GSE1: variants seen among roughly 807,000 people sequenced by gnomAD.
GSE1 encodes the protein Gse1 coiled-coil protein, also known as genetic suppressor element 1.
A neutral mutation model predicts 112.6 loss-of-function variants in GSE1; 32 were observed. The ratio of observed to expected loss-of-function variants is 0.28; its 90% CI spans 0.21 to 0.38. GSE1 has a LOEUF of 0.38. Among genes scored for constraint, GSE1 ranks in the 10% least tolerant of loss-of-function variants. The pLI, the probability that GSE1 is intolerant of heterozygous loss-of-function variation, is 1.00. For missense variants in GSE1, 2,348 were observed against 1,699.2 expected (o/e 1.38, Z -6.71); for synonymous variants, 1,115 against 735.6 (o/e 1.52, Z -8.35).
chr16:85,267,220 C>G (rs1463276646), intron 1 of GSE1, among the ~76,000 whole-genome samples: 1 of 152,232 alleles, frequency 6.6e-6, no homozygotes, highest in Non-Finnish European at 1.5e-5. Context: ...CGAGCCACAT[C>G]CTCGGCCCCC....
At chr16:85,428,554 C>T (rs897224944) in intron 2 of GSE1, among the ~76,000 whole-genome samples, 1 of 152,242 alleles carries the variant, frequency 6.6e-6, no homozygotes, top group African/African-American at 2.4e-5. Context: ...GTTTATTCCC[C>T]TGCCTCACTA....
Position 85,468,723 on chromosome 16 carries a change from A to G in GSE1, c.2464+111080A>G, listed in dbSNP as rs1340997067. Among the ~76,000 whole-genome samples, 3 of 152,212 alleles carry G rather than the reference A, an allele frequency of 2.0e-5. No individual in the cohort carries two copies. The East Asian group carries it at 5.8e-4, about 29-fold the overall frequency. On this transcript the variant is annotated intron_variant, in intron 2 of 2. Coordinates refer to the GSE1 transcript ENST00000637419. ...CTCCCCTCCCTGCCTGGAGCCACGC[A>G]GAACAGATGTTGGCAAGAGTGGCTG...
chr16:85,218,510 C>T (rs560830001), intron 1 of GSE1, among the ~76,000 whole-genome samples: 1 of 152,218 alleles, frequency 6.6e-6, no homozygotes, highest in African/African-American at 2.4e-5. Context: ...ACGTGCCGCT[C>T]GTAGTGGTAA....
At chr16:85,288,715 G>A (rs1358279811) in intron 1 of GSE1, among the ~76,000 whole-genome samples, 1 of 152,196 alleles carries the variant, frequency 6.6e-6, no homozygotes, top group Non-Finnish European at 1.5e-5. Context: ...GTCCAGGCAG[G>A]CTTCCTGGGA....
In GSE1 at chr16:85,654,321, T is replaced by C; in HGVS notation, c.470T>C (p.Ile157Thr). Residue 157 changes from isoleucine (I) to threonine (T), a missense_variant, in exon 4 of 16, where the codon ATT becomes ACT. Physicochemically the swap from Ile to Thr is moderately conservative, Grantham distance 89. Transcript: ENST00000253458. ...AGCAGTGGAGGTCGGGAACGCCTCATTGTGGAGCCCCCGCTCCCTCAGGAG... is the reference window on the plus strand; with the variant it reads ...AGCAGTGGAGGTCGGGAACGCCTCACTGTGGAGCCCCCGCTCCCTCAGGAG... ...RSSSGGRERL[I>T]VEPPLPQEKA... 5 of 1,610,898 alleles carry C rather than the reference T, an allele frequency of 3.1e-6. No homozygotes were observed. The highest frequency in any genetic ancestry group is 4.2e-6 in the Non-Finnish European group (5 of 1,179,296).
chr16:85,402,615 C>G (rs918561003), intron 2 of GSE1, among the ~76,000 whole-genome samples: 5 of 152,188 alleles, frequency 3.3e-5, no homozygotes, highest in Non-Finnish European at 5.9e-5. Flanking sequence ...CCAGTTACCT[C>G]TGGCTGCCTA....
chr16:85,639,465 C>T (rs1330375338), intron 2 of GSE1, among the ~76,000 whole-genome samples: 2 of 151,738 alleles, frequency 1.3e-5, no homozygotes, highest in Admixed American at 6.6e-5. Flanking sequence ...CTGCGCTGGA[C>T]AGATTCTGAC....
intron 1 of GSE1, among the ~76,000 whole-genome samples, chr16:85,589,302 C>A (rs2046858488): frequency 6.6e-6 from 1 of 152,174 alleles, no homozygotes; most frequent in Non-Finnish European, 1.5e-5. Context: ...TCGGGCAGGG[C>A]CCTGTTTCTC....
At chr16:85,478,242 T>C (rs533003974) in intron 2 of GSE1, among the ~76,000 whole-genome samples, 2 of 152,168 alleles carry the variant, frequency 1.3e-5, no homozygotes, top group South Asian at 4.2e-4. Flanking sequence ...TTCCATGGCA[T>C]GGGGCCAGGC....
At chr16:85,634,789 C>G (rs2049847139) in intron 2 of GSE1, among the ~76,000 whole-genome samples, 1 of 152,182 alleles carries the variant, frequency 6.6e-6, no homozygotes. Flanking sequence ...TAAAGACGCC[C>G]CCTTTGGCTC....
At chr16:85,517,723 A>G (rs2051999996) in intron 2 of GSE1, among the ~76,000 whole-genome samples, 1 of 151,946 alleles carries the variant, frequency 6.6e-6, no homozygotes. Flanking sequence ...ATTCCATTTC[A>G]TTTCTGGTCT....
intron 2 of GSE1, among the ~76,000 whole-genome samples, chr16:85,641,110 A>G (rs193119761): frequency 1.3e-5 from 2 of 152,286 alleles, no homozygotes; most frequent in Admixed American, 1.3e-4. Flanking sequence ...ACGTGGACAT[A>G]AGGGTGATTT....
chr16:85,295,033 G>C (rs989668999), intron 1 of GSE1, among the ~76,000 whole-genome samples: 1 of 151,928 alleles, frequency 6.6e-6, no homozygotes, highest in African/African-American at 2.4e-5. Flanking sequence ...TTACAGATGG[G>C]AGCTACCTCT....
chr16:85,625,009 GC>G (rs373668680), intron 1 of GSE1, among the ~76,000 whole-genome samples: 2 of 152,170 alleles, frequency 1.3e-5, no homozygotes, highest in Non-Finnish European at 2.9e-5. Flanking sequence ...TGTAAAAGTT[GC>G]CCCCTGGTAC....
chr16:85,292,396 T>G (rs1435565631), intron 1 of GSE1, among the ~76,000 whole-genome samples: 1 of 151,854 alleles, frequency 6.6e-6, no homozygotes, highest in Non-Finnish European at 1.5e-5. Context: ...TGGCGCGATC[T>G]TGGCTCACTG....
chr16:85,468,641 C>T (rs2050194416), intron 2 of GSE1, among the ~76,000 whole-genome samples: 1 of 152,034 alleles, frequency 6.6e-6, no homozygotes, highest in Non-Finnish European at 1.5e-5. Context: ...CCCTTCTGTG[C>T]CTGTGCCACC....
intron 1 of GSE1, among the ~76,000 whole-genome samples, chr16:85,341,601 G>A (rs1363843132): frequency 6.6e-6 from 1 of 152,066 alleles, no homozygotes; most frequent in Non-Finnish European, 1.5e-5. Flanking sequence ...GAGGTGCAGT[G>A]AGCAGAGATC....
At chr16:85,179,753 G>A (rs968072473) in intron 1 of GSE1, among the ~76,000 whole-genome samples, 3 of 149,672 alleles carry the variant, frequency 2.0e-5, no homozygotes, top group Non-Finnish European at 4.4e-5. Flanking sequence ...CTGGGATGAG[G>A]GGAGCTGTAC....
chr16:85,341,287 T>C lies in GSE1; in HGVS notation c.2284-16176T>C, dbSNP rs181742436. ...TCACTGCAGCCTTGACCTCCTGGCC[T>C]CAAGTGATCCTCCTGCCTCAGTCTC... is the stretch of plus-strand genomic sequence containing the variant. On this transcript the variant is annotated intron_variant, in intron 1 of 2. Transcript: ENST00000637419. Among the ~76,000 whole-genome samples the C allele has an allele frequency of 1.2e-3, 188 of 152,260 alleles. 1 individual carries two copies. The highest frequency in any genetic ancestry group is 4.1e-3 in the African/African-American group (171 of 41,532).
Sources: gnomAD v4.1 joint callset for allele counts (sites outside exome capture counted in the v4.1 genomes callset) on GRCh38, gnomAD v4.1.1 for gene constraint, MANE v1.5 for transcripts, NCBI Gene and HGNC (gene_info 2026-07-23, HGNC 2026-07-21) for gene names.